PIK3C3: variants seen among roughly 807,000 people sequenced by gnomAD.
PIK3C3 encodes the protein PI3-kinase type 3.
In PIK3C3, 95 loss-of-function variants were observed where a neutral mutation model predicts 126.1. That is an observed-to-expected ratio of 0.75 (90% CI 0.64 to 0.89). The LOEUF is 0.89. PIK3C3 is among the 40% of genes least tolerant of loss of function. PIK3C3 has a pLI of 0.00. For synonymous variants in PIK3C3, 374 were observed against 360.0 expected, an observed-to-expected ratio of 1.04 and a Z score of -0.44; for missense variants, 829 against 1,063.2, an observed-to-expected ratio of 0.78 and a Z score of 3.06.
intron 23 of PIK3C3, among the ~76,000 whole-genome samples, chr18:42,065,732 A>AC (rs1239279719): frequency 1.3e-5 from 2 of 152,178 alleles, no homozygotes; most frequent in Non-Finnish European, 2.9e-5. Flanking sequence ...GTTCATATTT[A>AC]AAGTTGTGGT....
chr18:42,042,988 C>T lies in PIK3C3; in HGVS notation c.2104-745C>T, dbSNP rs144566488. Among the ~76,000 whole-genome samples the T allele has an allele frequency of 2.1e-3, 317 of 151,870 alleles. 1 individual carries two copies. The highest frequency in any genetic ancestry group is 3.7e-3 in the Non-Finnish European group (249 of 67,972). ...CTTCCTGTGGCCCATGTTCCTGTCGCGTTGTTTGTATTTTTTGTATTGATT... is the reference window on the plus strand; with the variant it reads ...CTTCCTGTGGCCCATGTTCCTGTCGTGTTGTTTGTATTTTTTGTATTGATT... On this transcript the variant is annotated intron_variant, in intron 19 of 24. Transcript: ENST00000262039.
intron 8 of PIK3C3, 46 bp from the exon 9 acceptor site, chr18:41,996,592 A>G: frequency 2.4e-6 from 2 of 829,924 alleles, no homozygotes; most frequent in Non-Finnish European, 3.9e-6. Flanking sequence ...AATATATAGG[A>G]CATGTATTGT....
rs1555643391 is a variant in PIK3C3, at chr18:42,076,135, T to TATATATGCAC, written c.2650-4982_2650-4981insGCACATATAT. ...ATATATATATATGCGCATATATATA[T>TATATATGCAC]ATATATATGCGCATATATATATATA... On this transcript the variant is annotated intron_variant, in intron 24 of 24. Coordinates refer to ENST00000262039, the MANE Select transcript of PIK3C3 (RefSeq NM_002647.4). Among the ~76,000 whole-genome samples the TATATATGCAC allele has an allele frequency of 1.7e-4, 16 of 92,742 alleles. 2 individuals carry two copies. The highest frequency in any genetic ancestry group is 9.7e-4 in the African/African-American group (15 of 15,432). The allele number at this position is 92,742 out of a possible 152,430, so 60.8% of individuals were successfully genotyped here.
At position 41,957,587 on chromosome 18, in the gene PIK3C3, A is replaced by G. The variant is rs1174663131; in HGVS notation, c.86A>G (p.Lys29Arg). Residue 29 changes from lysine (K) to arginine (R), a missense_variant, in exon 2 of 25, where the codon AAG becomes AGG. Transcript: ENST00000262039. ...GCTTTCAGAGGAAGCTTGGAAGGGA[A>G]GAGAGAACAAAAGAGTTATAAAGCT... ...VQLKIGSLEG[K>R]REQKSYKAVL... The G allele has an allele frequency of 6.2e-7, 1 of 1,608,618 alleles. No homozygotes were observed. Among genetic ancestry groups the G allele is most frequent in the Non-Finnish European group, 8.5e-7 (1 of 1,178,654 alleles).
chr18:42,014,795 C>T (rs1001664603), intron 11 of PIK3C3, among the ~76,000 whole-genome samples: 6 of 152,072 alleles, frequency 3.9e-5, no homozygotes, highest in African/African-American at 9.7e-5. Flanking sequence ...TTATGCTATG[C>T]TTTATGTTGT....
At chr18:41,981,940 C>T (rs542480529) in intron 4 of PIK3C3, among the ~76,000 whole-genome samples, 1 of 151,808 alleles carries the variant, frequency 6.6e-6, no homozygotes, top group African/African-American at 2.4e-5. Flanking sequence ...GCCGAGATCA[C>T]GCCACTGCAC....
intron 15 of PIK3C3, among the ~76,000 whole-genome samples, chr18:42,031,343 G>A (rs538895891): frequency 5.3e-5 from 8 of 152,202 alleles, no homozygotes; most frequent in South Asian, 4.1e-4. Flanking sequence ...TCTTTCCTTC[G>A]TTGATCTCTA....
At chr18:42,055,414 A>G (rs2144501258) in intron 21 of PIK3C3, among the ~76,000 whole-genome samples, 1 of 152,260 alleles carries the variant, frequency 6.6e-6, no homozygotes, top group African/African-American at 2.4e-5. Flanking sequence ...GAGTGGGAGT[A>G]TAAATGTAGG....
intron 1 of PIK3C3, 111 bp from the exon 2 acceptor site, chr18:41,957,459 T>G: frequency 1.0e-6 from 1 of 1,003,984 alleles, no homozygotes; most frequent in Non-Finnish European, 1.4e-6. Context: ...TTTTAGTACT[T>G]ATGCATATAT....
At chr18:42,076,089 C>CGCAT (rs1429551675) in intron 24 of PIK3C3, among the ~76,000 whole-genome samples, 1 of 54,660 alleles carries the variant, frequency 1.8e-5, no homozygotes, top group Non-Finnish European at 3.3e-5. Flanking sequence ...CTTTACCTTG[C>CGCAT]ATATATATAT....
At chr18:41,979,769 G>A (rs1449937100) in intron 4 of PIK3C3, among the ~76,000 whole-genome samples, 1 of 151,986 alleles carries the variant, frequency 6.6e-6, no homozygotes, top group Non-Finnish European at 1.5e-5. Context: ...AGCTCTCACT[G>A]ATGGCAGCTT....
intron 2 of PIK3C3, among the ~76,000 whole-genome samples, chr18:41,961,575 A>T (rs1980087950): frequency 6.6e-6 from 1 of 151,674 alleles, no homozygotes; most frequent in East Asian, 1.9e-4. Flanking sequence ...AGCAATACAG[A>T]TGTATTTAAC....
At chr18:41,999,177 C>T (rs747638196) in intron 9 of PIK3C3, among the ~76,000 whole-genome samples, 68 of 151,980 alleles carry the variant, frequency 4.5e-4, no homozygotes, top group Non-Finnish European at 7.8e-4. Context: ...AAATTTGTTA[C>T]CATTTAAATT....
intron 24 of PIK3C3, among the ~76,000 whole-genome samples, chr18:42,076,160 A>ATATATATG (rs1568013804): frequency 3.9e-5 from 4 of 102,500 alleles, no homozygotes; most frequent in African/African-American, 2.2e-4. Flanking sequence ...ATATATATAT[A>ATATATATG]TGCACATATA....
intron 10 of PIK3C3, among the ~76,000 whole-genome samples, chr18:42,006,082 A>G (rs1982528835): frequency 6.6e-6 from 1 of 151,272 alleles, no homozygotes; most frequent in Admixed American, 6.6e-5. Flanking sequence ...TATGAAGGGT[A>G]TCCTAAAGGA....
chr18:41,985,334 G>A (rs1041557068), intron 4 of PIK3C3, among the ~76,000 whole-genome samples: 2 of 152,162 alleles, frequency 1.3e-5, no homozygotes, highest in Non-Finnish European at 2.9e-5. Context: ...GCATCTAGGA[G>A]ACATTTTGAG....
At position 42,024,950 on chromosome 18, in the gene PIK3C3, C is replaced by T. The variant is rs187648060; in HGVS notation, c.1485-2493C>T. Among the ~76,000 whole-genome samples the T allele has an allele frequency of 3.2e-3, 492 of 151,748 alleles. 1 individual carries two copies. Among genetic ancestry groups the T allele is most frequent in the African/African-American group, 0.011 (465 of 41,370 alleles). On this transcript the variant is annotated intron_variant, in intron 13 of 24. Coordinates refer to ENST00000262039, the MANE Select transcript of PIK3C3 (RefSeq NM_002647.4). ...TCCCGAGCAGCTGGGACTACAGGCA[C>T]CCGCCACTGTGCCCGGCTAATTTTT... is the stretch of plus-strand genomic sequence containing the variant.
At chr18:41,992,401 T>A (rs1981822285) in intron 6 of PIK3C3, among the ~76,000 whole-genome samples, 1 of 152,172 alleles carries the variant, frequency 6.6e-6, no homozygotes, top group Non-Finnish European at 1.5e-5. Flanking sequence ...TGAACTGAAG[T>A]AAAGTTACAG....
chr18:41,998,548 G>A (rs1481858857), intron 9 of PIK3C3, among the ~76,000 whole-genome samples: 1 of 152,114 alleles, frequency 6.6e-6, no homozygotes, highest in Non-Finnish European at 1.5e-5. Flanking sequence ...ACTTCCCACC[G>A]AAATTCAATT....
Sources: allele counts gnomAD v4.1 joint callset (sites outside exome capture counted in the v4.1 genomes callset), GRCh38; gene constraint gnomAD v4.1.1; transcripts MANE v1.5; gene names NCBI Gene and HGNC (gene_info 2026-07-23, HGNC 2026-07-21).